Variants in ANKFN1 observed in about 807,000 individuals in gnomAD.
ANKFN1 encodes ankyrin repeat and fibronectin type III domain containing 1.
In ANKFN1, 74 loss-of-function variants were observed where a neutral mutation model predicts 108.7. The ratio of observed to expected loss-of-function variants is 0.68; its 90% CI spans 0.56 to 0.83. The LOEUF (loss-of-function observed/expected upper bound fraction) is 0.83. ANKFN1 is among the 40% of genes least tolerant of loss of function. The pLI is 0.00. For missense variants in ANKFN1, 1,505 were observed against 1,382.3 expected, an observed-to-expected ratio of 1.09 and a Z score of -1.41; for synonymous variants, 547 against 516.2, an observed-to-expected ratio of 1.06 and a Z score of -0.81.
chr17:56,210,357 A>G (rs1914891896), intron 1 of ANKFN1, among the ~76,000 whole-genome samples: 1 of 152,204 alleles, frequency 6.6e-6, no homozygotes, highest in African/African-American at 2.4e-5. Flanking sequence ...TCCCACCAAC[A>G]GTGTAAATGT....
intron 4 of ANKFN1, among the ~76,000 whole-genome samples, chr17:56,132,147 C>T (rs1318305077): frequency 2.0e-5 from 3 of 152,212 alleles, no homozygotes; most frequent in African/African-American, 7.2e-5. Context: ...TGTGCAGAGG[C>T]TGATCACTTA....
intron 8 of ANKFN1, among the ~76,000 whole-genome samples, chr17:56,404,973 A>G (rs1480415512): frequency 6.6e-6 from 1 of 152,090 alleles, no homozygotes; most frequent in Non-Finnish European, 1.5e-5. Context: ...CTCCAGTCTG[A>G]TACTGGGGAG....
chr17:56,158,612 T>C lies in ANKFN1; in HGVS notation c.-71+5082T>C, dbSNP rs548550138. Reference sequence around the variant, plus strand: ...CAAAATAAGAAACTGCTGAAATGAATTGAGCAAGCAGATTCAAGGGGGTAA... The same window carrying C: ...CAAAATAAGAAACTGCTGAAATGAACTGAGCAAGCAGATTCAAGGGGGTAA... On this transcript the variant is annotated intron_variant, in intron 1 of 20. Transcript: ENST00000682825. Among the ~76,000 whole-genome samples, 6 of 152,224 alleles carry C rather than the reference T, an allele frequency of 3.9e-5. No individual in the cohort carries two copies. In the South Asian group the frequency reaches 1.2e-3, roughly 32 times the overall value.
At chr17:56,374,533 A>C (rs957550944) in intron 7 of ANKFN1, 68 bp from the exon 8 acceptor site, 1 of 1,158,566 alleles carries the variant, frequency 8.6e-7, no homozygotes, top group Non-Finnish European at 1.3e-6. Flanking sequence ...TATCCTTTGA[A>C]GAGGGAGGAA....
At chr17:56,444,056 C>T (rs920256623) in intron 10 of ANKFN1, among the ~76,000 whole-genome samples, 3 of 152,090 alleles carry the variant, frequency 2.0e-5, no homozygotes, top group Non-Finnish European at 2.9e-5. Flanking sequence ...CCAGTCTGTA[C>T]GATGATGTGT....
rs189796846 is a variant in ANKFN1 at position 56,415,632 on chromosome 17, G to A, written c.911-24695G>A. On this transcript the variant is annotated intron_variant, in intron 8 of 20. Transcript: ENST00000682825. Reference sequence around the variant, plus strand: ...AAGAATCAATATTGTTAAAATATCCGTACTACCCAAAGCAATCTATAGATT... The same window carrying A: ...AAGAATCAATATTGTTAAAATATCCATACTACCCAAAGCAATCTATAGATT... Among the ~76,000 whole-genome samples, 27 of 152,014 alleles carry A rather than the reference G, an allele frequency of 1.8e-4. No individual in the cohort carries two copies. The East Asian group carries it at 2.3e-3, about 13-fold the overall frequency.
intron 10 of ANKFN1, among the ~76,000 whole-genome samples, chr17:56,447,971 A>G (rs1487245100): frequency 6.6e-6 from 1 of 152,200 alleles, no homozygotes; most frequent in African/African-American, 2.4e-5. Flanking sequence ...ATGAACCACT[A>G]TGGAATGCTT....
chr17:56,228,818 A>T (rs1916488547), intron 3 of ANKFN1, among the ~76,000 whole-genome samples: 2 of 152,116 alleles, frequency 1.3e-5, no homozygotes, highest in Admixed American at 6.6e-5. Context: ...CTCATGGAGG[A>T]TACATCAACT....
At chr17:56,234,343 GTT>G (rs78208220) in intron 3 of ANKFN1, among the ~76,000 whole-genome samples, 3 of 147,586 alleles carry the variant, frequency 2.0e-5, no homozygotes, top group South Asian at 2.1e-4. Context: ...TTCCTTTGGG[GTT>G]TTTTTTTTTA....
At chr17:56,139,851 C>T (rs1041534226) in intron 4 of ANKFN1, among the ~76,000 whole-genome samples, 2 of 152,144 alleles carry the variant, frequency 1.3e-5, no homozygotes, top group Non-Finnish European at 2.9e-5. Context: ...TACACTATCT[C>T]GGTTTTATAC....
rs568774840 is a variant in ANKFN1, at chr17:56,270,985, T to C, written c.53+43028T>C. Among the ~76,000 whole-genome samples, 283 of 152,196 alleles carry C rather than the reference T, an allele frequency of 1.9e-3. 2 individuals are homozygous for C. Among genetic ancestry groups the C allele is most frequent in the African/African-American group, 6.5e-3 (271 of 41,510 alleles). ...CCACCACCTAAAATTATTTTAATTG[T>C]GCCATTGTTTGTAAAATTATTTTTT... On this transcript the variant is annotated intron_variant, in intron 3 of 20. Coordinates refer to ENST00000682825, the MANE Select transcript of ANKFN1 (RefSeq NM_001370326.1).
At chr17:56,209,654 T>C (rs1025185332) in intron 1 of ANKFN1, among the ~76,000 whole-genome samples, 1 of 152,054 alleles carries the variant, frequency 6.6e-6, no homozygotes, top group African/African-American at 2.4e-5. Flanking sequence ...AGCTGTATTG[T>C]TTTTAGGAGA....
chr17:56,511,531 A>C lies in ANKFN1; in HGVS notation c.*262A>C. The C allele has an allele frequency of 2.3e-6, 1 of 436,304 alleles. No individual in the cohort carries two copies. Among genetic ancestry groups the C allele is most frequent in the Admixed American group, 4.0e-5 (1 of 25,166 alleles). 27.0% of individuals were successfully genotyped at this position (436,304 alleles called of 1,614,324 possible). ...TGGAATACGACATACAGTGACTCAA[A>C]CATGCCACCCTGTTGGTGGCACCTA... On this transcript the variant is annotated 3_prime_UTR_variant, in exon 21 of 21. Transcript: ENST00000682825.
intron 4 of ANKFN1, among the ~76,000 whole-genome samples, chr17:56,094,052 T>C (rs1905470280): frequency 6.6e-6 from 1 of 151,068 alleles, no homozygotes; most frequent in East Asian, 1.9e-4. Flanking sequence ...ACACAGGGAG[T>C]ACACCGTATG....
chr17:56,135,199 C>G (rs1907528185), intron 4 of ANKFN1, among the ~76,000 whole-genome samples: 2 of 152,266 alleles, frequency 1.3e-5, no homozygotes, highest in East Asian at 3.9e-4. Flanking sequence ...TTTATAAAGG[C>G]TATAGGTTGG....
intron 3 of ANKFN1, among the ~76,000 whole-genome samples, chr17:56,278,436 A>G (rs2043989789): frequency 6.6e-6 from 1 of 152,238 alleles, no homozygotes. Flanking sequence ...AATAACAGAA[A>G]GAAATATCTC....
intron 3 of ANKFN1, chr17:56,252,331 G>C (rs2144064545): frequency 6.6e-6 from 1 of 152,316 alleles, no homozygotes; most frequent in Admixed American, 6.5e-5. Context: ...TTTCACTACA[G>C]AGAAAATGAG....
chr17:56,476,996 C>A (rs892823762), intron 15 of ANKFN1, among the ~76,000 whole-genome samples: 2 of 152,176 alleles, frequency 1.3e-5, no homozygotes, highest in African/African-American at 4.8e-5. Flanking sequence ...AAGGAACCTA[C>A]TTACTATAAA....
intron 18 of ANKFN1, 40 bp downstream of exon 18, chr17:56,482,564 T>A: frequency 6.3e-7 from 1 of 1,592,724 alleles, no homozygotes; most frequent in South Asian, 1.1e-5. Flanking sequence ...TAACCCAGCC[T>A]CCTTATAATA....
Sources: gnomAD v4.1 joint callset for allele counts (sites outside exome capture counted in the v4.1 genomes callset) on GRCh38, gnomAD v4.1.1 for gene constraint, MANE v1.5 for transcripts, NCBI Gene and HGNC (gene_info 2026-07-23, HGNC 2026-07-21) for gene names.